ZHX3: variants seen among roughly 807,000 people sequenced by gnomAD.
ZHX3 encodes the protein zinc fingers and homeoboxes 3.
In ZHX3, 20 loss-of-function variants were observed where a neutral mutation model predicts 64.5. The ratio of observed to expected loss-of-function variants is 0.31; its 90% CI spans 0.22 to 0.45. ZHX3 has a LOEUF of 0.45. Among genes scored for constraint, ZHX3 ranks in the 20% least tolerant of loss-of-function variants. The pLI, the probability that ZHX3 is intolerant of heterozygous loss-of-function variation, is 1.00. For missense variants in ZHX3, 1,041 were observed against 1,195.8 expected (o/e 0.87, Z 1.91); for synonymous variants, 423 against 461.6 (o/e 0.92, Z 1.07).
At chr20:41,235,261 T>C (rs551225997) in intron 2 of ZHX3, among the ~76,000 whole-genome samples, 60 of 151,912 alleles carry the variant, frequency 3.9e-4, no homozygotes, top group African/African-American at 1.3e-3. Flanking sequence ...AAGAAAAAGG[T>C]AGAATAGAAA....
intron 1 of ZHX3, among the ~76,000 whole-genome samples, chr20:41,285,029 C>G (rs1386199066): frequency 6.6e-6 from 1 of 152,164 alleles, no homozygotes; most frequent in Admixed American, 6.5e-5. Flanking sequence ...TCAGCGTAAA[C>G]ACTTCTTTCT....
intron 2 of ZHX3, among the ~76,000 whole-genome samples, chr20:41,233,831 G>A (rs6129774): frequency 0.21 from 32,096 of 152,138 alleles, 3,515 homozygotes; most frequent in South Asian, 0.28. Flanking sequence ...ACAGGAATAT[G>A]TATCATCCTA....
chr20:41,266,844 CTTTTTTTT>C (rs11327834), intron 2 of ZHX3, among the ~76,000 whole-genome samples: 2 of 76,436 alleles, frequency 2.6e-5, no homozygotes, highest in African/African-American at 4.1e-5. Context: ...CGTGCCCGGC[CTTTTTTTT>C]TTTTTTTTTT....
chr20:41,260,851 C>T (rs1340636643), intron 2 of ZHX3, among the ~76,000 whole-genome samples: 1 of 152,156 alleles, frequency 6.6e-6, no homozygotes, highest in Non-Finnish European at 1.5e-5. Flanking sequence ...ATAACTTGCC[C>T]AAGGTTACTC....
intron 2 of ZHX3, among the ~76,000 whole-genome samples, chr20:41,225,555 T>C (rs781099245): frequency 4.6e-5 from 7 of 152,212 alleles, no homozygotes; most frequent in Non-Finnish European, 7.3e-5. Flanking sequence ...TGGCGTGATC[T>C]TGACTCACTG....
intron 3 of ZHX3, among the ~76,000 whole-genome samples, chr20:41,196,409 T>TA (rs1568796107): frequency 1.9e-5 from 1 of 52,834 alleles, no homozygotes; most frequent in African/African-American, 8.4e-5. Context: ...ATATTATATA[T>TA]TATATATAAT....
chr20:41,257,124 A>C (rs1351174388), intron 2 of ZHX3, among the ~76,000 whole-genome samples: 1 of 152,186 alleles, frequency 6.6e-6, no homozygotes, highest in Non-Finnish European at 1.5e-5. Flanking sequence ...ATGCCTCCAG[A>C]AGATTGTGTG....
At chr20:41,275,774 AT>A (rs945971648) in intron 1 of ZHX3, among the ~76,000 whole-genome samples, 7 of 152,130 alleles carry the variant, frequency 4.6e-5, no homozygotes. Flanking sequence ...GGCTCACACA[AT>A]TTCCCATCTT....
At chr20:41,245,725 A>G (rs1182695024) in intron 2 of ZHX3, among the ~76,000 whole-genome samples, 3 of 152,218 alleles carry the variant, frequency 2.0e-5, no homozygotes, top group African/African-American at 7.2e-5. Flanking sequence ...CAGCTCAGTT[A>G]CATTAGATCT....
At chr20:41,292,013 T>TAAAAA (rs61168786) in intron 1 of ZHX3, among the ~76,000 whole-genome samples, 1,326 of 94,680 alleles carry the variant, frequency 0.014, 23 homozygotes, top group Non-Finnish European at 0.023. Context: ...ACCTCATCTT[T>TAAAAA]AAAAAAAAAA....
At chr20:41,214,472 C>T (rs550618427) in intron 2 of ZHX3, among the ~76,000 whole-genome samples, 1 of 152,326 alleles carries the variant, frequency 6.6e-6, no homozygotes, top group African/African-American at 2.4e-5. Context: ...ACAGTGAGCT[C>T]TCTGAGAAAC....
chr20:41,204,453 A>G lies in ZHX3; in HGVS notation c.464T>C (p.Ile155Thr), dbSNP rs373399595. 6.2e-7 allele frequency: 1 copy of G among 1,614,042 alleles called. No individual in the cohort carries two copies. Among genetic ancestry groups the G allele is most frequent in the African/African-American group, 1.3e-5 (1 of 74,932 alleles). The change falls in exon 3 of 4, where the codon ATC (isoleucine) becomes ACC (threonine). Residue 155 changes from isoleucine to threonine, a missense_variant. By Grantham distance (89) the Ile-to-Thr change is moderately conservative. This residue lies in a region of ZHX3 where 358 missense variants were observed against 369.1 expected (regional missense o/e 0.97). Coordinates refer to ENST00000683867, the MANE Select transcript of ZHX3 (RefSeq NM_001384317.1). This position sits in a 1 kb window ranked among gnomAD's most constrained non-coding sequence, Gnocchi z 6.6. Reference sequence around the variant, plus strand: ...GTCAGGAGTGCTGGTGCTCTCAGGGATGCTCTGCTCCACAACCACATGATT... The same window carrying G: ...GTCAGGAGTGCTGGTGCTCTCAGGGGTGCTCTGCTCCACAACCACATGATT... ...PDNHVVVEQS[I>T]PESTSTPDLA...
chr20:41,287,623 G>C (rs1389852694), intron 1 of ZHX3, among the ~76,000 whole-genome samples: 2 of 152,182 alleles, frequency 1.3e-5, no homozygotes, highest in African/African-American at 2.4e-5. Flanking sequence ...AATACACCAA[G>C]TCATGAGGCA....
rs1368500647 is a variant in ZHX3, at chr20:41,204,590, AAAGGTT to A, written c.321_326del (p.Thr108_Phe109del). ...CCAGAAAACTGCACCCACTGCATAC[AAAGGTT>A]GGGTCTTTATTAAAGTCTGTGTGCT... On this transcript the variant is annotated inframe_deletion, in exon 3 of 4. Coordinates refer to ENST00000683867, the MANE Select transcript of ZHX3 (RefSeq NM_001384317.1). This position sits in a 1 kb window ranked among gnomAD's most constrained non-coding sequence, Gnocchi z 6.6. 1 of 1,614,226 alleles carries A rather than the reference AAAGGTT, an allele frequency of 6.2e-7. No individual in the cohort carries two copies. Among genetic ancestry groups the A allele is most frequent in the African/African-American group, 1.3e-5 (1 of 75,046 alleles).
Position 41,204,683 on chromosome 20 carries a change from G to A in ZHX3, c.234C>T (p.Ser78=). The change falls in exon 3 of 4, where the codon TCC becomes TCT. Residue 78 remains serine (S), a synonymous_variant. Transcript: ENST00000683867. The surrounding 1 kb of genome is among the most constrained non-coding windows in gnomAD (Gnocchi z 6.6). The stretch of plus-strand genomic sequence containing the variant: ...GGGATCTGAAATCGCAGTATTTACA[G>A]GAATATAAATAGCCATCTAAAGTGC... ...HRSTLDGYLY[S]CKYCDFRSHD... The A allele has an allele frequency of 6.2e-7, 1 of 1,614,222 alleles. No homozygotes were observed.
At chr20:41,291,674 G>T (rs1371801015) in intron 1 of ZHX3, among the ~76,000 whole-genome samples, 1 of 151,734 alleles carries the variant, frequency 6.6e-6, no homozygotes, top group East Asian at 1.9e-4. Flanking sequence ...GTATGCATAT[G>T]TATACACACA....
At chr20:41,279,245 A>G (rs1322928753) in intron 1 of ZHX3, among the ~76,000 whole-genome samples, 1 of 152,186 alleles carries the variant, frequency 6.6e-6, no homozygotes, top group Non-Finnish European at 1.5e-5. Flanking sequence ...CACAAGAAGT[A>G]TATAAGAATG....
chr20:41,203,588 G>C lies in ZHX3; in HGVS notation c.1329C>G (p.Leu443=), dbSNP rs761766878. ...TGGGGACGGATGTCACCGTGAGGGG[G>C]AGAGGGGAACTTGTTGCTTGCAACC... ...ANGLQATSSP[L]PLTVTSVPKQ... is the part of the protein sequence containing the mutation. The change falls in exon 3 of 4, where the codon CTC becomes CTG. Residue 443 remains leucine (L), a synonymous_variant. Transcript: ENST00000683867. This position sits in a 1 kb window ranked among gnomAD's most constrained non-coding sequence, Gnocchi z 7.1. The C allele has an allele frequency of 6.2e-7, 1 of 1,614,232 alleles. No individual in the cohort carries two copies. Among genetic ancestry groups the C allele is most frequent in the South Asian group, 1.1e-5 (1 of 91,088 alleles).
rs568218678 is a variant in ZHX3, at chr20:41,246,791, C to T, written c.-151+22199G>A. ...GGAAGGCCAAAGCAGGAGAATCACT[C>T]GAACCCAGGAGGTGGAGGTTGCAGT... On this transcript the variant is annotated intron_variant, in intron 2 of 3. Coordinates refer to ENST00000683867, the MANE Select transcript of ZHX3 (RefSeq NM_001384317.1). 4.0e-5 allele frequency among the ~76,000 whole-genome samples: 6 copies of T among 151,618 alleles called. 1 individual carries two copies. Among genetic ancestry groups the T allele is most frequent in the African/African-American group, 1.2e-4 (5 of 41,342 alleles).
Sources: allele counts gnomAD v4.1 joint callset (sites outside exome capture counted in the v4.1 genomes callset), GRCh38; gene constraint gnomAD v4.1.1; regional missense constraint gnomAD v4.1.1; non-coding constraint Gnocchi (gnomAD v3.1); transcripts MANE v1.5; gene names NCBI Gene and HGNC (gene_info 2026-07-23, HGNC 2026-07-21).